Variants in SUSD4 observed in about 807,000 individuals in gnomAD.
SUSD4 encodes the protein sushi domain-containing protein 4.
A neutral mutation model predicts 50.5 loss-of-function variants in SUSD4; 41 were observed. That is an observed-to-expected ratio of 0.81 (90% CI 0.63 to 1.05). SUSD4 has a LOEUF of 1.05. Ranked by LOEUF, SUSD4 falls within the 50% of genes least tolerant of loss-of-function variation. The pLI, the probability that SUSD4 is intolerant of heterozygous loss-of-function variation, is 0.00. For synonymous variants in SUSD4, 257 were observed against 257.3 expected, an observed-to-expected ratio of 1.00 and a Z score of 0.01; for missense variants, 580 against 634.7, an observed-to-expected ratio of 0.91 and a Z score of 0.93.
intron 2 of SUSD4, among the ~76,000 whole-genome samples, chr1:223,350,198 G>A (rs149620416): frequency 6.6e-4 from 100 of 152,354 alleles, no homozygotes; most frequent in African/African-American, 2.3e-3. Context: ...ATTTTGTTAA[G>A]GCAGCCCAAG....
chr1:223,359,043 C>T (rs1271249086), intron 2 of SUSD4: 5 of 470,976 alleles, frequency 1.1e-5, no homozygotes, highest in Admixed American at 7.0e-5. Context: ...GCTCCAGGAG[C>T]TCAATTCAGC....
rs370068755 is a variant in SUSD4, at chr1:223,222,184, G to T, written c.*8C>A. 3.7e-6 allele frequency: 6 copies of T among 1,613,518 alleles called. No individual in the cohort carries two copies. The highest frequency in any genetic ancestry group is 1.1e-5 in the South Asian group (1 of 90,956). ...GGAGCAGGAGAGTCATCTGGATCTT[G>T]ACCCATATTAGGGATCTTCTTCCAT... On this transcript the variant is annotated 3_prime_UTR_variant, in exon 9 of 9. Coordinates refer to ENST00000366878, the MANE Select transcript of SUSD4 (RefSeq NM_017982.4).
At chr1:223,262,383 C>G (rs1458876610) in intron 5 of SUSD4, among the ~76,000 whole-genome samples, 1 of 152,194 alleles carries the variant, frequency 6.6e-6, no homozygotes, top group East Asian at 1.9e-4. Context: ...AAATCGTGTG[C>G]TTAGGAAGAC....
At chr1:223,362,150 G>C (rs568922240) in intron 2 of SUSD4, among the ~76,000 whole-genome samples, 1 of 152,300 alleles carries the variant, frequency 6.6e-6, no homozygotes, top group East Asian at 1.9e-4. Context: ...TATACTCTGG[G>C]CATCTTTCAG....
At chr1:223,254,392 C>G (rs73122215) in intron 5 of SUSD4, among the ~76,000 whole-genome samples, 7,792 of 152,002 alleles carry the variant, frequency 0.051, 578 homozygotes, top group African/African-American at 0.16. Context: ...AAAAAAGAGA[C>G]AGATAATTAT....
chr1:223,223,465 T>G lies in SUSD4; in HGVS notation c.1228A>C (p.Ser410Arg). ...QGCPLPVDDQ[S>R]PPAYPGSGDT... ...CCTGAGCCGGGGTATGCTGGGGGGC[T>G]CTGGTCGTCCACGGGTAAGGGGCAG... Residue 410 changes from serine to arginine, a missense_variant, in exon 8 of 9, where the codon AGC (serine) becomes CGC (arginine). Ser to Arg is a moderately radical substitution (Grantham distance 110). Coordinates refer to ENST00000366878, the MANE Select transcript of SUSD4 (RefSeq NM_017982.4). The G allele has an allele frequency of 1.9e-6, 3 of 1,613,970 alleles. No individual in the cohort carries two copies. The highest frequency in any genetic ancestry group is 2.5e-6 in the Non-Finnish European group (3 of 1,179,942).
At chr1:223,364,788 C>G (rs897009954), upstream of SUSD4, among the ~76,000 whole-genome samples, 2 of 152,144 alleles carry the variant, frequency 1.3e-5, no homozygotes, top group Admixed American at 6.5e-5. This position sits in a 1 kb window ranked among gnomAD's most constrained non-coding sequence, Gnocchi z 4.5. Flanking sequence ...GCCACAGACC[C>G]GGTTAACTTG....
At chr1:223,349,742 T>C (rs1444737969) in intron 2 of SUSD4, among the ~76,000 whole-genome samples, 1 of 152,208 alleles carries the variant, frequency 6.6e-6, no homozygotes, top group South Asian at 2.1e-4. Flanking sequence ...AGCTCCGGCA[T>C]CATCTCCTCC....
chr1:223,360,723 C>G (rs1328934007), intron 2 of SUSD4, among the ~76,000 whole-genome samples: 3 of 151,944 alleles, frequency 2.0e-5, no homozygotes, highest in Non-Finnish European at 4.4e-5. Flanking sequence ...CTTGCCATTG[C>G]GGTGTTCCTT....
At chr1:223,235,212 A>G in intron 5 of SUSD4, 2 of 1,199,812 alleles carry the variant, frequency 1.7e-6, no homozygotes, top group Non-Finnish European at 2.3e-6. Context: ...TATTTTTAAG[A>G]GCAGTTTTAG....
intron 2 of SUSD4, among the ~76,000 whole-genome samples, chr1:223,323,129 A>G (rs1371716021): frequency 6.6e-6 from 1 of 151,156 alleles, no homozygotes; most frequent in Non-Finnish European, 1.5e-5. Context: ...CTCCTCTCTT[A>G]GGGGCTGATC....
Position 223,268,542 on chromosome 1 carries a change from A to C in SUSD4, c.495T>G (p.Cys165Trp), listed in dbSNP as rs774598668. 1.2e-6 allele frequency: 2 copies of C among 1,614,086 alleles called. No homozygotes were observed. The highest frequency in any genetic ancestry group is 1.7e-5 in the Admixed American group (1 of 60,004). ...YPDLHNMVSL[C>W]RDDGTWNNLP... ...GATTATTCCACGTTCCATCATCGCGACATAATGAAACCATATTGTGTAGGT... is the reference window on the plus strand; with the variant it reads ...GATTATTCCACGTTCCATCATCGCGCCATAATGAAACCATATTGTGTAGGT... Residue 165 changes from cysteine (C) to tryptophan (W), a missense_variant, in exon 4 of 9, where the codon TGT becomes TGG. By Grantham distance (215) the Cys-to-Trp change is radical. Coordinates refer to ENST00000366878, the MANE Select transcript of SUSD4 (RefSeq NM_017982.4).
chr1:223,334,128 A>T (rs1284206340), intron 2 of SUSD4, among the ~76,000 whole-genome samples: 1 of 152,204 alleles, frequency 6.6e-6, no homozygotes, highest in Admixed American at 6.5e-5. Context: ...CAATATAGAA[A>T]GAAAATACTA....
intron 5 of SUSD4, among the ~76,000 whole-genome samples, chr1:223,244,082 G>A (rs1487024674): frequency 6.6e-6 from 1 of 152,168 alleles, no homozygotes; most frequent in African/African-American, 2.4e-5. Flanking sequence ...TTCTCCTCTA[G>A]CTGCTGAGAA....
chr1:223,339,217 C>T (rs762409124), intron 2 of SUSD4, among the ~76,000 whole-genome samples: 9 of 152,108 alleles, frequency 5.9e-5, no homozygotes, highest in Non-Finnish European at 1.2e-4. Context: ...TTGGTGTTTG[C>T]GTGTCTCTGA....
At chr1:223,279,378 T>A (rs955684679) in intron 3 of SUSD4, among the ~76,000 whole-genome samples, 2 of 152,182 alleles carry the variant, frequency 1.3e-5, no homozygotes, top group Admixed American at 1.3e-4. Context: ...AGTCCTTAAA[T>A]GACCTGATGT....
chr1:223,252,531 TG>T (rs1488725930), intron 5 of SUSD4, among the ~76,000 whole-genome samples: 3 of 152,092 alleles, frequency 2.0e-5, no homozygotes, highest in Admixed American at 6.5e-5. Flanking sequence ...GCTTTAGCCA[TG>T]GTTGGCTATA....
At chr1:223,248,974 G>A (rs1214576958) in intron 5 of SUSD4, among the ~76,000 whole-genome samples, 5 of 152,208 alleles carry the variant, frequency 3.3e-5, no homozygotes, top group East Asian at 1.9e-4. Flanking sequence ...TGACAGCAGC[G>A]GGGAATGGCT....
At chr1:223,355,766 T>C (rs1013012104) in intron 2 of SUSD4, among the ~76,000 whole-genome samples, 3 of 152,198 alleles carry the variant, frequency 2.0e-5, no homozygotes, top group Admixed American at 2.0e-4. Context: ...ACACCTTCAT[T>C]TGCAAAGAAC....
Sources: allele counts gnomAD v4.1 joint callset (sites outside exome capture counted in the v4.1 genomes callset), GRCh38; gene constraint gnomAD v4.1.1; non-coding constraint Gnocchi (gnomAD v3.1); transcripts MANE v1.5; gene names NCBI Gene and HGNC (gene_info 2026-07-23, HGNC 2026-07-21).